The following TGFBRAP1 variants were observed in gnomAD, a reference collection of about 807,000 sequenced individuals.
The protein encoded by TGFBRAP1 is transforming growth factor-beta receptor-associated protein 1.
TGFBRAP1 carries 20 observed loss-of-function variants against 83.2 expected under a neutral mutation model. The observed-to-expected ratio is 0.24, with a 90% CI of 0.17 to 0.35. The LOEUF (loss-of-function observed/expected upper bound fraction) is 0.35, where lower values mean the gene tolerates loss of function less well. TGFBRAP1 is among the 10% of genes least tolerant of loss of function. The probability of loss-of-function intolerance (pLI) is 1.00; values close to 1 mark genes in which losing one functional copy is unlikely to be tolerated. For missense variants in TGFBRAP1, 950 were observed against 1,099.4 expected, an observed-to-expected ratio of 0.86 and a Z score of 1.92; for synonymous variants, 415 against 459.8, an observed-to-expected ratio of 0.90 and a Z score of 1.25.
Position 105,269,565 on chromosome 2 carries a change from C to T in TGFBRAP1, c.2113G>A (p.Glu705Lys), listed in dbSNP as rs145351527. The T allele has an allele frequency of 1.1e-5, 18 of 1,611,388 alleles. No individual in the cohort carries two copies. The African/African-American group carries it at 1.2e-4, about 11-fold the overall frequency. The change falls in exon 11 of 12, where the codon GAG becomes AAG. Residue 705 changes from glutamate (E) to lysine (K), a missense_variant. Glu to Lys is a moderately conservative substitution (Grantham distance 56, BLOSUM62 1). Coordinates refer to ENST00000393359, the MANE Select transcript of TGFBRAP1 (RefSeq NM_004257.6). This position sits in a 1 kb window ranked among gnomAD's most constrained non-coding sequence, Gnocchi z 4.1. The stretch of plus-strand genomic sequence containing the variant: ...TGGCGGTGGGGTGGGTCTCGGCCCT[C>T]GGAGCACCACAGGCAGTAGTCCTCG... ...AAEDYCLWCS[E>K]GRDPPHRQQL... is the part of the protein sequence containing the mutation.
chr2:105,256,315 T>C, the TGFBRAP1 span, among the ~76,000 whole-genome samples: 35 of 152,262 alleles, frequency 2.3e-4, no homozygotes, highest in African/African-American at 8.2e-4. Context: ...GGGGTCCTGG[T>C]TACTCAAACT....
intron 1 of TGFBRAP1, among the ~76,000 whole-genome samples, chr2:105,318,073 C>A (rs976560360): frequency 1.3e-5 from 2 of 152,174 alleles, no homozygotes; most frequent in Non-Finnish European, 2.9e-5. Context: ...ACCTAGGAAG[C>A]CCCTGCCATG....
intron 4 of TGFBRAP1, among the ~76,000 whole-genome samples, chr2:105,287,384 C>CA (rs1032210267): frequency 6.6e-5 from 10 of 151,340 alleles, no homozygotes; most frequent in Non-Finnish European, 1.0e-4. Flanking sequence ...TACCACATTA[C>CA]AAAAAAAATA....
At chr2:105,275,832 T>A (rs1677322307) in intron 7 of TGFBRAP1, 129 bp from the exon 8 acceptor site, 2 of 900,344 alleles carry the variant, frequency 2.2e-6, no homozygotes, top group Admixed American at 3.8e-5. Context: ...TTAAAGTAGT[T>A]GGAAAAACTG....
chr2:105,280,784 A>G (rs1677511841), intron 5 of TGFBRAP1, 61 bp from the exon 6 acceptor site: 6 of 1,519,988 alleles, frequency 3.9e-6, no homozygotes, highest in East Asian at 2.4e-5. Context: ...ATAGGCACAC[A>G]AAACAGCACT....
the TGFBRAP1 span, among the ~76,000 whole-genome samples, chr2:105,252,214 T>A: frequency 6.6e-6 from 1 of 152,246 alleles, no homozygotes. Flanking sequence ...GGTGGTCTCA[T>A]GAAGACTTTA....
intron 1 of TGFBRAP1, among the ~76,000 whole-genome samples, chr2:105,329,221 C>T (rs1679300902): frequency 6.6e-6 from 1 of 152,038 alleles, no homozygotes; most frequent in South Asian, 2.1e-4. Context: ...CTTCCTGGCC[C>T]TTCTCCCCGG....
chr2:105,283,488 T>C (rs1677610716), intron 5 of TGFBRAP1, among the ~76,000 whole-genome samples: 1 of 152,236 alleles, frequency 6.6e-6, no homozygotes, highest in South Asian at 2.1e-4. Context: ...TGTTATTTCT[T>C]AGATAGCTGT....
chr2:105,270,082 T>G (rs1677098998), intron 10 of TGFBRAP1, among the ~76,000 whole-genome samples: 1 of 152,092 alleles, frequency 6.6e-6, no homozygotes, highest in African/African-American at 2.4e-5. Context: ...GACAGTATCT[T>G]TTGACTAAAA....
chr2:105,301,518 T>G (rs984659546), intron 2 of TGFBRAP1, among the ~76,000 whole-genome samples: 1 of 149,858 alleles, frequency 6.7e-6, no homozygotes, highest in Non-Finnish European at 1.5e-5. Context: ...ACCCGGGAGG[T>G]GGAGGTTGCA....
At chr2:105,316,456 T>TGCGCGCGC (rs1558654502) in intron 1 of TGFBRAP1, among the ~76,000 whole-genome samples, 2 of 71,708 alleles carry the variant, frequency 2.8e-5, no homozygotes, top group Non-Finnish European at 5.8e-5. Flanking sequence ...TGTGTGTGTG[T>TGCGCGCGC]GTGTGTGCGC....
intron 4 of TGFBRAP1, among the ~76,000 whole-genome samples, chr2:105,288,303 A>G (rs949451922): frequency 2.0e-5 from 3 of 152,230 alleles, no homozygotes; most frequent in Admixed American, 1.3e-4. Context: ...CCCCTGAGCC[A>G]GTGCTGAGGA....
intron 5 of TGFBRAP1, among the ~76,000 whole-genome samples, chr2:105,282,424 G>A (rs540735740): frequency 2.0e-5 from 3 of 152,326 alleles, no homozygotes; most frequent in East Asian, 1.9e-4. Flanking sequence ...GTCAGAGGAC[G>A]GGTCCAGTTC....
intron 1 of TGFBRAP1, among the ~76,000 whole-genome samples, chr2:105,312,377 T>TTA (rs1341208577): frequency 3.3e-5 from 5 of 152,182 alleles, no homozygotes; most frequent in African/African-American, 1.2e-4. Context: ...GATCAACATT[T>TTA]TAATGTTTTC....
intron 1 of TGFBRAP1, among the ~76,000 whole-genome samples, chr2:105,317,092 T>C (rs1047752432): frequency 5.3e-5 from 8 of 152,136 alleles, no homozygotes; most frequent in African/African-American, 1.9e-4. Context: ...TGTATGTCCA[T>C]AGGAATACAA....
At chr2:105,279,371 C>T (rs1435404727) in intron 6 of TGFBRAP1, among the ~76,000 whole-genome samples, 1 of 152,144 alleles carries the variant, frequency 6.6e-6, no homozygotes, top group Non-Finnish European at 1.5e-5. Flanking sequence ...AATCTTCCTG[C>T]TTCAGCCTTC....
At chr2:105,307,190 T>C (rs1573206275) in intron 2 of TGFBRAP1, among the ~76,000 whole-genome samples, 1 of 105,616 alleles carries the variant, frequency 9.5e-6, no homozygotes. Context: ...GCTGGCTCAC[T>C]CTCTCAGCAT....
chr2:105,329,141 T>C (rs1269954685), intron 1 of TGFBRAP1, among the ~76,000 whole-genome samples: 1 of 151,844 alleles, frequency 6.6e-6, no homozygotes, highest in Non-Finnish European at 1.5e-5. Flanking sequence ...AGCTCTCAAA[T>C]CCAAAGAGCT....
chr2:105,293,763 A>G (rs1462019821), intron 4 of TGFBRAP1, among the ~76,000 whole-genome samples: 1 of 152,220 alleles, frequency 6.6e-6, no homozygotes, highest in African/African-American at 2.4e-5. Flanking sequence ...CCAATCCATT[A>G]TATCACAGCT....
Sources: allele counts gnomAD v4.1 joint callset (sites outside exome capture counted in the v4.1 genomes callset), GRCh38; gene constraint gnomAD v4.1.1; non-coding constraint Gnocchi (gnomAD v3.1); transcripts MANE v1.5; gene names NCBI Gene and HGNC (gene_info 2026-07-23, HGNC 2026-07-21).